The following RP1 variants were observed in gnomAD, a reference collection of about 807,000 sequenced individuals.
RP1 encodes RP1 axonemal microtubule associated.
RP1 carries 16 observed loss-of-function variants against 14.8 expected under a neutral mutation model. The observed-to-expected ratio is 1.08, with a 90% CI of 0.73 to 1.65. The LOEUF (loss-of-function observed/expected upper bound fraction) is 1.65. Ranked by LOEUF, RP1 falls within the 40% of genes most tolerant of loss-of-function variation. RP1 has a pLI of 0.00. For synonymous variants in RP1, 876 were observed against 883.6 expected, an observed-to-expected ratio of 0.99 and a Z score of 0.15; for missense variants, 2,631 against 2,535.0, an observed-to-expected ratio of 1.04 and a Z score of -0.81.
intron 17 of RP1, among the ~76,000 whole-genome samples, chr8:54,731,717 G>T (rs1023998568): frequency 2.0e-5 from 3 of 152,122 alleles, no homozygotes; most frequent in Admixed American, 6.5e-5. Flanking sequence ...CAACTCATTT[G>T]CAGATTAAAT....
intron 9 of RP1, among the ~76,000 whole-genome samples, chr8:54,678,795 T>C (rs1429932983): frequency 3.3e-5 from 5 of 152,162 alleles, no homozygotes; most frequent in African/African-American, 1.2e-4. Context: ...TCTGTACATA[T>C]CAGAAAGAAA....
intron 19 of RP1, among the ~76,000 whole-genome samples, chr8:54,754,503 A>G (rs1253064992): frequency 1.3e-5 from 2 of 152,218 alleles, no homozygotes; most frequent in African/African-American, 4.8e-5. Context: ...CACTCAGCAT[A>G]ATATGTGGCA....
intron 24 of RP1, among the ~76,000 whole-genome samples, chr8:54,823,035 G>A (rs902179228): frequency 7.9e-5 from 12 of 152,272 alleles, no homozygotes; most frequent in African/African-American, 2.6e-4. Context: ...TAATAGTTCA[G>A]TATCTAAGCC....
chr8:54,837,933 A>G (rs756179692), intron 25 of RP1, among the ~76,000 whole-genome samples: 2 of 152,230 alleles, frequency 1.3e-5, no homozygotes, highest in Non-Finnish European at 2.9e-5. Flanking sequence ...TATAATGTTT[A>G]TTTGTTAAGA....
At chr8:54,617,167 G>A (rs908317636) in intron 1 of RP1, among the ~76,000 whole-genome samples, 1 of 152,182 alleles carries the variant, frequency 6.6e-6, no homozygotes, top group Non-Finnish European at 1.5e-5. Flanking sequence ...ATATAAGGAA[G>A]TCACTGGTGA....
chr8:54,796,068 TG>T (rs2129386858), intron 24 of RP1, among the ~76,000 whole-genome samples: 1 of 152,288 alleles, frequency 6.6e-6, no homozygotes, highest in East Asian at 1.9e-4. Context: ...TTTTCTCAAT[TG>T]GTAGCCAAGG....
At chr8:54,750,992 C>A (rs1809355089) in intron 19 of RP1, among the ~76,000 whole-genome samples, 1 of 152,206 alleles carries the variant, frequency 6.6e-6, no homozygotes, top group Non-Finnish European at 1.5e-5. Flanking sequence ...TCTGTGGGTG[C>A]TTTGTTCTTT....
chr8:54,622,484 CTT>C (rs1396262970), intron 3 of RP1, among the ~76,000 whole-genome samples, 196 bp downstream of exon 3: 5 of 152,116 alleles, frequency 3.3e-5, no homozygotes, highest in Admixed American at 2.0e-4. Context: ...ATTTTTTAGA[CTT>C]TTCCAAATCA....
At chr8:54,654,580 T>C (rs1344582910) in intron 5 of RP1, among the ~76,000 whole-genome samples, 2 of 152,304 alleles carry the variant, frequency 1.3e-5, no homozygotes, top group Middle Eastern at 3.4e-3. Context: ...TTAACATGCA[T>C]TTATAAATGT....
Position 54,860,059 on chromosome 8 carries a change from G to C in RP1, c.4069+2953G>C, listed in dbSNP as rs183421160. ...CAGGGCAATCACTATTGCAGGCAAA[G>C]GAAGGAGAATTAGGCATTTATTTGA... On this transcript the variant is annotated intron_variant, in intron 27 of 28. Coordinates refer to the RP1 transcript ENST00000637698. Among the ~76,000 whole-genome samples the C allele has an allele frequency of 9.8e-5, 15 of 152,296 alleles. No individual in the cohort carries two copies. In the East Asian group the frequency reaches 2.9e-3, roughly 29 times the overall value.
chr8:54,590,061 C>T (rs77917498), intron 1 of RP1, among the ~76,000 whole-genome samples: 1,842 of 152,258 alleles, frequency 0.012, 28 homozygotes, highest in African/African-American at 0.041. Flanking sequence ...ATGAAAGAAG[C>T]GTGCCTGCTC....
In RP1 at chr8:54,621,324, G is replaced by T. The variant is rs1175466192; in HGVS notation, c.358G>T (p.Ala120Ser). 2 of 1,612,244 alleles carry T rather than the reference G, an allele frequency of 1.2e-6. No homozygotes were observed. The highest frequency in any genetic ancestry group is 8.5e-7 in the Non-Finnish European group (1 of 1,179,164). ...RKVQPVDLDK[A>S]RRRPRPWLSS... The stretch of plus-strand genomic sequence containing the variant: ...GGTGCAGCCTGTAGACCTGGACAAA[G>T]CCCGTCGGCGCCCGCGGCCCTGGCT... The change falls in exon 2 of 4, where the codon GCC becomes TCC. Residue 120 changes from alanine to serine, a missense_variant. By Grantham distance (99) the Ala-to-Ser change is moderately conservative. Coordinates refer to ENST00000220676, the MANE Select transcript of RP1 (RefSeq NM_006269.2).
rs561075447 is a variant in RP1 at position 54,627,278 on chromosome 8, G to A, written c.3396G>A (p.Trp1132Ter). 2.5e-6 allele frequency: 4 copies of A among 1,614,000 alleles called. No homozygotes were observed. The South Asian group carries it at 4.4e-5, about 18-fold the overall frequency. ...CATCCACTAATCTCCTTCTAGCTTG[G>A]CTCTTGGTGCTAAACCTAAAGGGAA... ...CNSSTNLLLA[W>*]LLVLNLKGSM... is the part of the protein sequence containing the mutation. The change falls in exon 4 of 4, where the codon TGG becomes TGA. Residue 1132 changes from tryptophan (W) to a stop codon, truncating the protein, a stop_gained. Coordinates refer to ENST00000220676, the MANE Select transcript of RP1 (RefSeq NM_006269.2). LOFTEE classifies it low-confidence loss of function (END_TRUNC).
chr8:54,623,306 G>A (rs1805932262), intron 3 of RP1, among the ~76,000 whole-genome samples: 1 of 152,060 alleles, frequency 6.6e-6, no homozygotes, highest in African/African-American at 2.4e-5. Context: ...GGGAATCTGA[G>A]GGCTTTGTTA....
chr8:54,748,328 G>T (rs1205358517), intron 19 of RP1, among the ~76,000 whole-genome samples: 1 of 152,178 alleles, frequency 6.6e-6, no homozygotes, highest in African/African-American at 2.4e-5. Flanking sequence ...AGATTTTCTA[G>T]TTCAGTGAAC....
At position 54,621,433 on chromosome 8, in the gene RP1, T is replaced by C; in HGVS notation, c.467T>C (p.Leu156Pro). ...APGMPRPPRSLVVFRNGDPKT... is the reference protein window; with the variant it reads ...APGMPRPPRSPVVFRNGDPKT... ...GGCATGCCCCGCCCCCCACGGAGCCTAGTGGTCTTCAGGAATGGCGACCCG... is the reference window on the plus strand; with the variant it reads ...GGCATGCCCCGCCCCCCACGGAGCCCAGTGGTCTTCAGGAATGGCGACCCG... The change falls in exon 2 of 4, where the codon CTA becomes CCA. Residue 156 changes from leucine (L) to proline (P), a missense_variant. Physicochemically the swap from Leu to Pro is moderately conservative, Grantham distance 98. Coordinates refer to ENST00000220676, the MANE Select transcript of RP1 (RefSeq NM_006269.2). 1.2e-6 allele frequency: 2 copies of C among 1,613,374 alleles called. No individual in the cohort carries two copies. Among genetic ancestry groups the C allele is most frequent in the South Asian group, 2.2e-5 (2 of 91,054 alleles).
At chr8:54,568,849 A>G (rs1804463821) in intron 1 of RP1, among the ~76,000 whole-genome samples, 1 of 152,230 alleles carries the variant, frequency 6.6e-6, no homozygotes, top group African/African-American at 2.4e-5. Context: ...GAATTTGGAA[A>G]TCACTGGCAT....
chr8:54,627,549 T>C lies in RP1; in HGVS notation c.3667T>C (p.Cys1223Arg). The C allele has an allele frequency of 6.2e-7, 1 of 1,614,164 alleles. No homozygotes were observed. Among genetic ancestry groups the C allele is most frequent in the Non-Finnish European group, 8.5e-7 (1 of 1,179,990 alleles). Residue 1223 changes from cysteine to arginine, a missense_variant, in exon 4 of 4, where the codon TGC becomes CGC. Transcript: ENST00000220676. The part of the protein sequence containing the change: ...STVNIQSVPK[C>R]SENERTQGIS... ...GGTCAACATTCAGAGTGTTCCTAAG[T>C]GCAGTGAAAATGAAAGAACACAAGG... is the stretch of plus-strand genomic sequence containing the variant.
intron 15 of RP1, among the ~76,000 whole-genome samples, chr8:54,711,937 A>G (rs1295716494): frequency 6.6e-6 from 1 of 152,230 alleles, no homozygotes; most frequent in Non-Finnish European, 1.5e-5. Context: ...TTGTAATTTT[A>G]TAGATACTTA....
Sources: allele counts gnomAD v4.1 joint callset (sites outside exome capture counted in the v4.1 genomes callset), GRCh38; gene constraint gnomAD v4.1.1; transcripts MANE v1.5; gene names NCBI Gene and HGNC (gene_info 2026-07-23, HGNC 2026-07-21).